ZMAT4: variants seen among roughly 807,000 people sequenced by gnomAD.
ZMAT4 encodes the protein zinc finger matrin-type protein 4.
In ZMAT4, 17 loss-of-function variants were observed where a neutral mutation model predicts 28.7. That is an observed-to-expected ratio of 0.59 (90% CI 0.41 to 0.89). The LOEUF (loss-of-function observed/expected upper bound fraction) is 0.89. Ranked by LOEUF, ZMAT4 falls within the 40% of genes least tolerant of loss-of-function variation. ZMAT4 has a pLI of 0.00. For missense variants in ZMAT4, 240 were observed against 283.8 expected (o/e 0.85, Z 1.11); for synonymous variants, 117 against 109.2 (o/e 1.07, Z -0.44).
At chr8:40,842,408 A>C (rs1040527037) in intron 1 of ZMAT4, among the ~76,000 whole-genome samples, 7 of 152,236 alleles carry the variant, frequency 4.6e-5, no homozygotes, top group African/African-American at 1.7e-4. Context: ...ATCCTTATTA[A>C]AGCACTCCAG....
At chr8:40,668,123 G>A (rs577026593) in intron 5 of ZMAT4, among the ~76,000 whole-genome samples, 1 of 152,164 alleles carries the variant, frequency 6.6e-6, no homozygotes, top group East Asian at 1.9e-4. Context: ...AATAGGAGGA[G>A]CAGCTTCTGC....
intron 5 of ZMAT4, among the ~76,000 whole-genome samples, chr8:40,606,184 T>C (rs1805573329): frequency 6.6e-6 from 1 of 152,218 alleles, no homozygotes; most frequent in Admixed American, 6.5e-5. Context: ...AACATTAGTA[T>C]TGAGATGAGA....
intron 5 of ZMAT4, among the ~76,000 whole-genome samples, chr8:40,638,547 T>A (rs1231684912): frequency 6.6e-6 from 1 of 152,204 alleles, no homozygotes; most frequent in African/African-American, 2.4e-5. Context: ...GTGTTTGTTA[T>A]AAGGAACAGT....
chr8:40,871,092 T>C (rs1317343444), intron 1 of ZMAT4, among the ~76,000 whole-genome samples: 1 of 152,190 alleles, frequency 6.6e-6, no homozygotes, highest in Non-Finnish European at 1.5e-5. Flanking sequence ...AAAGGGCTAC[T>C]CTATGGGAAG....
At chr8:40,581,489 T>C (rs1366675299) in intron 5 of ZMAT4, among the ~76,000 whole-genome samples, 1 of 152,214 alleles carries the variant, frequency 6.6e-6, no homozygotes, top group Non-Finnish European at 1.5e-5. Context: ...CTTAAATTAT[T>C]AGAGCATCCT....
intron 5 of ZMAT4, among the ~76,000 whole-genome samples, chr8:40,665,125 G>C (rs1157561964): frequency 6.6e-6 from 1 of 152,170 alleles, no homozygotes; most frequent in African/African-American, 2.4e-5. Flanking sequence ...AGAATCACTT[G>C]AACCTGAGAG....
chr8:40,640,925 C>T (rs1244706670), intron 5 of ZMAT4, among the ~76,000 whole-genome samples: 3 of 148,562 alleles, frequency 2.0e-5, no homozygotes, highest in African/African-American at 7.5e-5. Flanking sequence ...CACCACTGCA[C>T]TCCAGCCTGG....
At chr8:40,880,935 C>T (rs1818200451) in intron 1 of ZMAT4, among the ~76,000 whole-genome samples, 1 of 152,134 alleles carries the variant, frequency 6.6e-6, no homozygotes, top group African/African-American at 2.4e-5. Context: ...CAGCTCAGCC[C>T]AACCCAAACA....
At chr8:40,671,243 G>A (rs534160276) in intron 5 of ZMAT4, among the ~76,000 whole-genome samples, 44 of 152,180 alleles carry the variant, frequency 2.9e-4, no homozygotes, top group African/African-American at 7.9e-4. Context: ...GCAAAGTAAC[G>A]CAACTATTTT....
intron 1 of ZMAT4, among the ~76,000 whole-genome samples, chr8:40,855,872 G>A (rs1817279422): frequency 6.7e-6 from 1 of 149,974 alleles, no homozygotes; most frequent in African/African-American, 2.5e-5. Context: ...TATTTTTTTT[G>A]TAGAGATGGG....
At chr8:40,582,470 CAGAG>C (rs1407686512) in intron 5 of ZMAT4, among the ~76,000 whole-genome samples, 4 of 151,814 alleles carry the variant, frequency 2.6e-5, no homozygotes, top group African/African-American at 9.7e-5. Context: ...GCCTGGATGA[CAGAG>C]TGAGGCCTTG....
chr8:40,778,189 C>T (rs566931447), intron 2 of ZMAT4, among the ~76,000 whole-genome samples: 3 of 152,188 alleles, frequency 2.0e-5, no homozygotes, highest in Non-Finnish European at 4.4e-5. Flanking sequence ...CTCCATCTCT[C>T]ATCAAATTAT....
At chr8:40,755,685 T>C (rs2150550518) in intron 3 of ZMAT4, among the ~76,000 whole-genome samples, 1 of 152,294 alleles carries the variant, frequency 6.6e-6, no homozygotes, top group East Asian at 1.9e-4. Context: ...ACACCTGGAC[T>C]CAAGCAATCT....
chr8:40,781,529 G>A (rs1171654467), intron 2 of ZMAT4, among the ~76,000 whole-genome samples: 6 of 151,940 alleles, frequency 3.9e-5, no homozygotes, highest in Admixed American at 2.6e-4. Flanking sequence ...TTGGGAGGCC[G>A]AGGCGGGCGG....
intron 6 of ZMAT4, among the ~76,000 whole-genome samples, chr8:40,543,619 T>G (rs1448032890): frequency 4.6e-5 from 7 of 152,194 alleles, no homozygotes; most frequent in Admixed American, 4.6e-4. Context: ...TTCACCTCTA[T>G]GAGCCTCAGT....
chr8:40,707,445 A>C (rs1417452540), intron 3 of ZMAT4, among the ~76,000 whole-genome samples: 2 of 152,152 alleles, frequency 1.3e-5, no homozygotes, highest in Non-Finnish European at 2.9e-5. Context: ...TATAATTATT[A>C]AACATGAAAT....
chr8:40,848,857 T>C (rs1385015369), intron 1 of ZMAT4, among the ~76,000 whole-genome samples: 2 of 152,182 alleles, frequency 1.3e-5, no homozygotes, highest in Admixed American at 1.3e-4. Flanking sequence ...AATTCAAAAA[T>C]CCGTCCATTG....
intron 1 of ZMAT4, among the ~76,000 whole-genome samples, chr8:40,858,353 C>A (rs779688248): frequency 1.3e-5 from 2 of 152,074 alleles, no homozygotes; most frequent in Non-Finnish European, 2.9e-5. Context: ...CCTATTAGAC[C>A]ACAAGCTCCC....
chr8:40,841,287 G>A (rs1816693290), intron 1 of ZMAT4, among the ~76,000 whole-genome samples: 1 of 152,160 alleles, frequency 6.6e-6, no homozygotes, highest in Non-Finnish European at 1.5e-5. Flanking sequence ...TGAAACCTGA[G>A]TAACTGCTAA....
Sources: allele counts gnomAD v4.1 joint callset (sites outside exome capture counted in the v4.1 genomes callset), GRCh38; gene constraint gnomAD v4.1.1; transcripts MANE v1.5; gene names NCBI Gene and HGNC (gene_info 2026-07-23, HGNC 2026-07-21).